The following ZNF793 variants were observed in gnomAD, a reference collection of about 807,000 sequenced individuals.
ZNF793 encodes zinc finger protein 793.
In ZNF793, 5 loss-of-function variants were observed where a neutral mutation model predicts 12.4. The observed-to-expected ratio is 0.40, with a 90% confidence interval of 0.21 to 0.84. ZNF793 has a LOEUF of 0.84. Among genes scored for constraint, ZNF793 ranks in the 40% least tolerant of loss-of-function variants. The pLI is 0.35. For missense variants in ZNF793, 456 were observed against 495.0 expected, an observed-to-expected ratio of 0.92 and a Z score of 0.75; for synonymous variants, 162 against 172.4, an observed-to-expected ratio of 0.94 and a Z score of 0.47.
Position 37,537,363 on chromosome 19 carries a change from C to T in ZNF793, c.705C>T (p.Ala235=). The T allele has an allele frequency of 6.2e-7, 1 of 1,613,040 alleles. No homozygotes were observed. The highest frequency in any genetic ancestry group is 8.5e-7 in the Non-Finnish European group (1 of 1,179,452). The part of the protein sequence containing the change: ...KPHVCSECGK[A]FCYKSEFIRH... ...ACGTCTGTAGTGAGTGTGGGAAAGC[C>T]TTCTGCTACAAGTCTGAATTCATTA... Residue 235 remains alanine, a synonymous_variant, in exon 8 of 8, where the codon GCC becomes GCT. Transcript: ENST00000627814.
chr19:37,531,386 C>G (rs1438114700), intron 5 of ZNF793: 1 of 153,134 alleles, frequency 6.5e-6, no homozygotes, highest in Non-Finnish European at 1.5e-5. Flanking sequence ...AGGCTGGTCT[C>G]GAATACCTGA....
chr19:37,516,446 T>C (rs1166883096), intron 2 of ZNF793, among the ~76,000 whole-genome samples: 4 of 152,006 alleles, frequency 2.6e-5, no homozygotes, highest in Admixed American at 2.6e-4. Flanking sequence ...TGATCTAGTT[T>C]TAAGATTGTG....
chr19:37,519,719 GA>G (rs1007338473), intron 2 of ZNF793, among the ~76,000 whole-genome samples: 3 of 151,856 alleles, frequency 2.0e-5, no homozygotes, highest in African/African-American at 7.3e-5. Context: ...AATAGATGAG[GA>G]AAATATCTTT....
chr19:37,519,931 G>A (rs191667005), intron 2 of ZNF793, among the ~76,000 whole-genome samples: 21 of 152,340 alleles, frequency 1.4e-4, no homozygotes, highest in Non-Finnish European at 2.6e-4. Context: ...GAGAGGTAAA[G>A]TGTCTAGCCC....
intron 2 of ZNF793, among the ~76,000 whole-genome samples, chr19:37,512,976 C>CCAG (rs2042305262): frequency 6.6e-6 from 1 of 151,762 alleles, no homozygotes; most frequent in African/African-American, 2.4e-5. Context: ...GGAGTTCAGG[C>CCAG]CAGTTATTTT....
chr19:37,535,698 AT>A (rs1213856906), intron 7 of ZNF793: 1 of 151,690 alleles, frequency 6.6e-6, no homozygotes, highest in Non-Finnish European at 1.5e-5. Flanking sequence ...CTTATTTTCT[AT>A]TTTTAGTAGA....
Position 37,536,933 on chromosome 19 carries a change from G to A in ZNF793, c.275G>A (p.Arg92Gln), listed in dbSNP as rs748920576. The A allele has an allele frequency of 9.9e-6, 16 of 1,612,626 alleles. No homozygotes were observed. The highest frequency in any genetic ancestry group is 1.3e-5 in the African/African-American group (1 of 74,802). The change falls in exon 8 of 8, where the codon CGG (arginine) becomes CAG (glutamine). Residue 92 changes from arginine (R) to glutamine (Q), a missense_variant. Physicochemically the swap from Arg to Gln is conservative, Grantham distance 43. Coordinates refer to ENST00000627814, the MANE Select transcript of ZNF793 (RefSeq NM_001013659.3). ...CGAGTTAATATCCAGAGGAAAAGAC[G>A]GCAAGACATGCTTTTGAGGCCAGGC... ...IWRVNIQRKR[R>Q]QDMLLRPGAA...
intron 3 of ZNF793, among the ~76,000 whole-genome samples, chr19:37,521,409 C>T (rs2042374586): frequency 6.7e-6 from 1 of 149,820 alleles, no homozygotes; most frequent in Admixed American, 6.7e-5. Flanking sequence ...AGGCATGAAT[C>T]ACCATGCATG....
chr19:37,529,861 C>T (rs866819912), intron 5 of ZNF793, among the ~76,000 whole-genome samples: 24 of 151,876 alleles, frequency 1.6e-4, no homozygotes, highest in African/African-American at 5.6e-4. Context: ...TTAGGTGGAA[C>T]GAGAGACTTA....
intron 5 of ZNF793, among the ~76,000 whole-genome samples, chr19:37,530,194 G>A (rs1407016637): frequency 6.6e-6 from 1 of 152,058 alleles, no homozygotes; most frequent in Admixed American, 6.6e-5. Flanking sequence ...GCCCTAAGGC[G>A]GTTTCCCCCT....
rs2147121298 is a variant in ZNF793, at chr19:37,540,465, CAT to C, written c.*2589_*2590del. 6.6e-6 allele frequency: 1 copy of C among 151,132 alleles called. No individual in the cohort carries two copies. The highest frequency in any genetic ancestry group is 2.4e-5 in the African/African-American group (1 of 41,350). 9.4% of individuals were successfully genotyped at this position (151,132 alleles called of 1,614,324 possible). On this transcript the variant is annotated 3_prime_UTR_variant, in exon 8 of 8. Transcript: ENST00000627814. ...AATTAACAGTTTAAAGGAGAAGAAT[CAT>C]ATGAACTCTCAACAGATACTGAGAA... is the stretch of plus-strand genomic sequence containing the variant.
rs183869563 is a variant in ZNF793 at position 37,539,907 on chromosome 19, A to C, written c.*2028A>C. 1.3e-5 allele frequency: 2 copies of C among 152,316 alleles called. No homozygotes were observed. The highest frequency in any genetic ancestry group is 2.9e-5 in the Non-Finnish European group (2 of 68,022). 9.4% of individuals were successfully genotyped at this position (152,316 alleles called of 1,614,324 possible). A position where few individuals can be genotyped will look rare whatever the true frequency, so the allele number is the denominator to read the frequency against. On this transcript the variant is annotated 3_prime_UTR_variant, in exon 8 of 8. Transcript: ENST00000627814. ...CCAGTGTTATTTATTATATGGATGTAATACAATCCATGAACTGTACTCATT... is the reference window on the plus strand; with the variant it reads ...CCAGTGTTATTTATTATATGGATGTCATACAATCCATGAACTGTACTCATT...
intron 7 of ZNF793, chr19:37,533,950 T>C (rs748663998): frequency 8.0e-5 from 13 of 161,944 alleles, no homozygotes; most frequent in South Asian, 5.9e-4. Flanking sequence ...CAATATCCAT[T>C]GTACCCTGAG....
At chr19:37,515,188 A>G (rs1283829321) in intron 2 of ZNF793, among the ~76,000 whole-genome samples, 4 of 152,246 alleles carry the variant, frequency 2.6e-5, no homozygotes, top group African/African-American at 9.6e-5. Flanking sequence ...TGTAGATGAA[A>G]TAATTGTCTA....
At chr19:37,536,497 C>T (rs1388664738) in intron 7 of ZNF793, 1 of 404,292 alleles carries the variant, frequency 2.5e-6, no homozygotes, top group South Asian at 1.2e-4. Context: ...CGATTGGCCA[C>T]CTGCTTTGTG....
intron 5 of ZNF793, among the ~76,000 whole-genome samples, chr19:37,530,882 T>C (rs2042454520): frequency 6.6e-6 from 1 of 152,202 alleles, no homozygotes; most frequent in African/African-American, 2.4e-5. Flanking sequence ...ACTCTTTTGT[T>C]CCTCTATTTC....
At chr19:37,518,834 G>A (rs2042353928) in intron 2 of ZNF793, among the ~76,000 whole-genome samples, 1 of 149,792 alleles carries the variant, frequency 6.7e-6, no homozygotes, top group Non-Finnish European at 1.5e-5. Flanking sequence ...CATTTTGATT[G>A]CTTCCAGTTG....
chr19:37,533,824 T>C, intron 7 of ZNF793: 1 of 333,892 alleles, frequency 3.0e-6, no homozygotes, highest in East Asian at 4.9e-5. Flanking sequence ...AGCAGTGAAT[T>C]CCATGTTGGG....
intron 2 of ZNF793, among the ~76,000 whole-genome samples, chr19:37,510,450 G>GGTTA (rs768269616): frequency 6.6e-6 from 1 of 151,018 alleles, no homozygotes; most frequent in East Asian, 2.0e-4. Flanking sequence ...AGGAGGCAGA[G>GGTTA]GTTACAGTGA....
Sources: allele counts gnomAD v4.1 joint callset (sites outside exome capture counted in the v4.1 genomes callset), GRCh38; gene constraint gnomAD v4.1.1; transcripts MANE v1.5; gene names NCBI Gene and HGNC (gene_info 2026-07-23, HGNC 2026-07-21).